The following METTL15 variants were observed in gnomAD, a reference collection of about 807,000 sequenced individuals.
The protein encoded by METTL15 is methyltransferase 15, mitochondrial 12S rRNA N4-cytidine, also known as 12S rRNA N(4)-cytidine methyltransferase METTL15.
In METTL15, 34 loss-of-function variants were observed where a neutral mutation model predicts 38.3. The observed-to-expected ratio is 0.89, with a 90% CI of 0.68 to 1.18. The LOEUF is 1.18. Ranked by LOEUF, METTL15 falls within the 50% of genes most tolerant of loss-of-function variation. The probability of loss-of-function intolerance (pLI) is 0.00; values close to 1 mark genes in which losing one functional copy is unlikely to be tolerated. For synonymous variants in METTL15, 162 were observed against 170.9 expected (o/e 0.95, Z 0.41); for missense variants, 438 against 498.4 (o/e 0.88, Z 1.15).
At chr11:28,212,161 CTT>C (rs1359368957) in intron 4 of METTL15, among the ~76,000 whole-genome samples, 1 of 151,948 alleles carries the variant, frequency 6.6e-6, no homozygotes, top group Admixed American at 6.6e-5. Context: ...GTCCCAAACT[CTT>C]TGCAAATCTA....
intron 3 of METTL15, among the ~76,000 whole-genome samples, chr11:28,200,471 A>C (rs547299296): frequency 1.3e-5 from 2 of 152,190 alleles, no homozygotes; most frequent in East Asian, 3.9e-4. Flanking sequence ...CATAGTCGTT[A>C]TTATTACTCT....
intron 4 of METTL15, among the ~76,000 whole-genome samples, chr11:28,267,160 C>CAA (rs57831121): frequency 4.4e-3 from 225 of 51,676 alleles, no homozygotes; most frequent in Non-Finnish European, 5.3e-3. Context: ...AACTCCATCT[C>CAA]AAAAAAAAAA....
At chr11:28,524,223 C>A (rs1175481817) in intron 6 of METTL15, among the ~76,000 whole-genome samples, 1 of 152,128 alleles carries the variant, frequency 6.6e-6, no homozygotes, top group African/African-American at 2.4e-5. Flanking sequence ...CACTTCAAGA[C>A]CATGAACGAT....
intron 4 of METTL15, chr11:28,287,534 C>T (rs543687263): frequency 2.1e-5 from 7 of 331,734 alleles, no homozygotes; most frequent in African/African-American, 6.7e-5. Flanking sequence ...ACAATAACTT[C>T]GGAGCTCGGC....
intron 6 of METTL15, among the ~76,000 whole-genome samples, chr11:28,297,641 T>A (rs1405201682): frequency 6.6e-6 from 1 of 152,130 alleles, no homozygotes; most frequent in Non-Finnish European, 1.5e-5. Flanking sequence ...CACAGCTGTG[T>A]TCCGTGATGA....
At chr11:28,176,955 A>G (rs1238779617) in intron 3 of METTL15, among the ~76,000 whole-genome samples, 4 of 152,066 alleles carry the variant, frequency 2.6e-5, no homozygotes, top group African/African-American at 9.7e-5. Flanking sequence ...CTTTTCAATA[A>G]TATTTTCAAA....
chr11:28,194,391 A>G (rs1590137533), intron 3 of METTL15, among the ~76,000 whole-genome samples: 1 of 151,250 alleles, frequency 6.6e-6, no homozygotes, highest in African/African-American at 2.4e-5. Flanking sequence ...GTACAGATGG[A>G]GTTTTACCAT....
At chr11:28,275,788 C>G (rs1277314762) in intron 4 of METTL15, among the ~76,000 whole-genome samples, 1 of 151,964 alleles carries the variant, frequency 6.6e-6, no homozygotes, top group Non-Finnish European at 1.5e-5. Flanking sequence ...AAGAATGATT[C>G]CACATACACT....
intron 3 of METTL15, among the ~76,000 whole-genome samples, chr11:28,205,661 A>G (rs1039369977): frequency 6.6e-6 from 1 of 151,826 alleles, no homozygotes; most frequent in African/African-American, 2.4e-5. Context: ...TTCTAGTTCT[A>G]GATCCCTGAG....
intron 6 of METTL15, among the ~76,000 whole-genome samples, chr11:28,329,105 G>T (rs1164680728): frequency 6.6e-6 from 1 of 152,028 alleles, no homozygotes; most frequent in Non-Finnish European, 1.5e-5. Flanking sequence ...TTTACAGTTA[G>T]GTCTTTGATC....
At chr11:28,469,942 A>G (rs2582900) in intron 6 of METTL15, among the ~76,000 whole-genome samples, 80,122 of 151,848 alleles carry the variant, frequency 0.53, 21,599 homozygotes, top group East Asian at 0.74. Flanking sequence ...TGTCAGGCTT[A>G]TGAATATATT....
chr11:28,326,535 G>C (rs186648230), intron 6 of METTL15, among the ~76,000 whole-genome samples: 1 of 152,024 alleles, frequency 6.6e-6, no homozygotes, highest in East Asian at 1.9e-4. Context: ...TCGATGTTTT[G>C]TTCTTACTAC....
intron 5 of METTL15, among the ~76,000 whole-genome samples, chr11:28,376,451 G>A (rs546459109): frequency 3.5e-4 from 53 of 152,018 alleles, no homozygotes; most frequent in African/African-American, 1.2e-3. Context: ...ATCTTTGTTG[G>A]TTTAAAATCT....
At chr11:28,134,429 A>G (rs560043825) in intron 3 of METTL15, 5 of 397,094 alleles carry the variant, frequency 1.3e-5, no homozygotes, top group African/African-American at 4.1e-5. Flanking sequence ...TATTTAGGCA[A>G]GGCCCCTGTG....
chr11:28,222,866 G>C (rs564861000), intron 4 of METTL15, among the ~76,000 whole-genome samples: 1 of 152,270 alleles, frequency 6.6e-6, no homozygotes, highest in Non-Finnish European at 1.5e-5. Context: ...CTACTATATA[G>C]GATAAGTTCT....
intron 3 of METTL15, among the ~76,000 whole-genome samples, chr11:28,202,479 G>C (rs1780328156): frequency 6.6e-6 from 1 of 151,448 alleles, no homozygotes; most frequent in South Asian, 2.1e-4. Context: ...CTGTTTGTTT[G>C]CATGTCTAAA....
At chr11:28,375,642 AG>A (rs1850301682) in intron 5 of METTL15, among the ~76,000 whole-genome samples, 1 of 151,940 alleles carries the variant, frequency 6.6e-6, no homozygotes, top group Non-Finnish European at 1.5e-5. Context: ...AATTTTTTGA[AG>A]GGTTTTTTGT....
At chr11:28,438,336 C>T (rs1048970744) in intron 6 of METTL15, among the ~76,000 whole-genome samples, 53 of 152,330 alleles carry the variant, frequency 3.5e-4, no homozygotes, top group Admixed American at 9.1e-4. Flanking sequence ...TTTCAGGCCA[C>T]GTAGGACTGG....
chr11:28,500,605 T>C (rs1409292543), intron 6 of METTL15, among the ~76,000 whole-genome samples: 1 of 151,960 alleles, frequency 6.6e-6, no homozygotes, highest in Non-Finnish European at 1.5e-5. Flanking sequence ...AGATCTCGGC[T>C]CACTGCAACC....
Sources: allele counts gnomAD v4.1 joint callset (sites outside exome capture counted in the v4.1 genomes callset), GRCh38; gene constraint gnomAD v4.1.1; transcripts MANE v1.5; gene names NCBI Gene and HGNC (gene_info 2026-07-23, HGNC 2026-07-21).